The following ALK variants were observed in gnomAD, a reference collection of about 807,000 sequenced individuals.
ALK encodes the protein ALK tyrosine kinase receptor.
ALK carries 74 observed loss-of-function variants against 163.1 expected under a neutral mutation model. The ratio of observed to expected loss-of-function variants is 0.45; its 90% confidence interval spans 0.38 to 0.55. ALK has a LOEUF of 0.55. Among genes scored for constraint, ALK ranks in the 20% least tolerant of loss-of-function variants. ALK has a pLI of 0.00. For missense variants in ALK, 2,063 were observed against 2,105.3 expected, an observed-to-expected ratio of 0.98 and a Z score of 0.39; for synonymous variants, 960 against 843.2, an observed-to-expected ratio of 1.14 and a Z score of -2.40.
intron 3 of ALK, among the ~76,000 whole-genome samples, chr2:29,552,706 C>T (rs963653958): frequency 6.6e-6 from 1 of 152,158 alleles, no homozygotes; most frequent in African/African-American, 2.4e-5. Context: ...GGGTTGTTTG[C>T]TTTTATCTGT....
intron 5 of ALK, among the ~76,000 whole-genome samples, chr2:29,367,612 C>T (rs946973885): frequency 6.6e-6 from 1 of 152,210 alleles, no homozygotes; most frequent in East Asian, 1.9e-4. Flanking sequence ...AAGGTTACAC[C>T]TTAAGCAACT....
intron 24 of ALK, 46 bp from the exon 25 acceptor site, chr2:29,209,924 T>C (rs1267463266): frequency 1.3e-6 from 2 of 1,496,846 alleles, no homozygotes; most frequent in Non-Finnish European, 1.9e-6. Context: ...CCTAGGAAGA[T>C]GAGTGTACAA....
intron 5 of ALK, among the ~76,000 whole-genome samples, chr2:29,345,789 C>CT (rs1304850637): frequency 5.9e-5 from 9 of 152,096 alleles, no homozygotes; most frequent in African/African-American, 1.9e-4. Context: ...TTGAAGAACC[C>CT]TTATTAACAT....
chr2:29,374,051 G>A (rs1668695543), intron 5 of ALK, among the ~76,000 whole-genome samples: 2 of 152,206 alleles, frequency 1.3e-5, no homozygotes, highest in Non-Finnish European at 2.9e-5. Flanking sequence ...AATGGCTCAG[G>A]CAAGGCGCAG....
chr2:29,772,182 A>G (rs1681047995), intron 1 of ALK, among the ~76,000 whole-genome samples: 1 of 152,242 alleles, frequency 6.6e-6, no homozygotes, highest in South Asian at 2.1e-4. Context: ...TGGATTAGAA[A>G]TACAGACAAC....
intron 5 of ALK, among the ~76,000 whole-genome samples, chr2:29,375,050 T>A (rs1668722250): frequency 6.6e-6 from 1 of 152,094 alleles, no homozygotes; most frequent in Admixed American, 6.5e-5. Flanking sequence ...TGGCATTAGG[T>A]CAATAATTAA....
chr2:29,628,233 G>T (rs1676252992), intron 3 of ALK, among the ~76,000 whole-genome samples: 1 of 152,160 alleles, frequency 6.6e-6, no homozygotes. Flanking sequence ...ATGATTCACT[G>T]CAAGCATTTT....
intron 4 of ALK, among the ~76,000 whole-genome samples, chr2:29,526,623 A>T (rs1001729318): frequency 1.3e-5 from 2 of 152,212 alleles, no homozygotes; most frequent in East Asian, 1.9e-4. Flanking sequence ...AATCATTGTG[A>T]CACTGCCACT....
At chr2:29,474,443 G>C (rs568339310) in intron 4 of ALK, among the ~76,000 whole-genome samples, 2 of 152,136 alleles carry the variant, frequency 1.3e-5, no homozygotes, top group East Asian at 3.9e-4. Context: ...ATCCACTGAC[G>C]TGTGGTTTTA....
chr2:29,861,232 C>A (rs1666283652), intron 1 of ALK, among the ~76,000 whole-genome samples: 1 of 152,050 alleles, frequency 6.6e-6, no homozygotes, highest in African/African-American at 2.4e-5. Context: ...CATCAGATCT[C>A]AAGGAGCTAA....
At chr2:29,767,662 T>A (rs1486222644) in intron 1 of ALK, among the ~76,000 whole-genome samples, 1 of 152,186 alleles carries the variant, frequency 6.6e-6, no homozygotes, top group South Asian at 2.1e-4. Flanking sequence ...GTTTGGGACA[T>A]CAGTCACTCA....
chr2:29,492,350 G>C (rs1156921818), intron 4 of ALK, among the ~76,000 whole-genome samples: 1 of 152,126 alleles, frequency 6.6e-6, no homozygotes, highest in African/African-American at 2.4e-5. Context: ...TAGCCACTGG[G>C]GATGCACTGA....
At chr2:29,374,432 G>GAA (rs34034791) in intron 5 of ALK, among the ~76,000 whole-genome samples, 12 of 139,108 alleles carry the variant, frequency 8.6e-5, no homozygotes, top group African/African-American at 1.1e-4. Context: ...TGCTTGCCAT[G>GAA]AAAAAAAAAA....
chr2:29,320,235 G>A (rs1362631347), intron 7 of ALK, among the ~76,000 whole-genome samples: 1 of 152,208 alleles, frequency 6.6e-6, no homozygotes, highest in African/African-American at 2.4e-5. Context: ...GAGAGGGGAG[G>A]ACAGGCATTA....
chr2:29,490,604 A>C (rs1671878285), intron 4 of ALK, among the ~76,000 whole-genome samples: 1 of 151,992 alleles, frequency 6.6e-6, no homozygotes, highest in Admixed American at 6.5e-5. Context: ...AACTTTGAGA[A>C]CCACTGTGTT....
In ALK at chr2:29,376,238, CCT is replaced by C. The variant is rs1201276124; in HGVS notation, c.1282+7492_1282+7493del. On this transcript the variant is annotated intron_variant, in intron 5 of 28. Transcript: ENST00000389048. ...TCCTGACCAAAATTGGCCAGAAGCC[CCT>C]CTCAGGTTTATTTTCTCTAAAATAA... Among the ~76,000 whole-genome samples the C allele has an allele frequency of 2.0e-5, 3 of 152,278 alleles. No homozygotes were observed. In the East Asian group the frequency reaches 5.8e-4, roughly 29 times the overall value.
chr2:29,345,798 A>C (rs1336358498), intron 5 of ALK, among the ~76,000 whole-genome samples: 1 of 152,198 alleles, frequency 6.6e-6, no homozygotes, highest in Non-Finnish European at 1.5e-5. Context: ...CCTTATTAAC[A>C]TGAGAAAATT....
At chr2:29,600,406 G>A (rs186160632) in intron 3 of ALK, among the ~76,000 whole-genome samples, 85 of 152,354 alleles carry the variant, frequency 5.6e-4, no homozygotes, top group African/African-American at 2.0e-3. Flanking sequence ...TGGAATGAGA[G>A]GAGGTGGTTA....
At chr2:29,603,174 G>T (rs1406299105) in intron 3 of ALK, among the ~76,000 whole-genome samples, 1 of 152,144 alleles carries the variant, frequency 6.6e-6, no homozygotes, top group Non-Finnish European at 1.5e-5. Flanking sequence ...AAGTCTCATA[G>T]GTGGCCACTC....
Sources: gnomAD v4.1 joint callset for allele counts (sites outside exome capture counted in the v4.1 genomes callset) on GRCh38, gnomAD v4.1.1 for gene constraint, MANE v1.5 for transcripts, NCBI Gene and HGNC (gene_info 2026-07-23, HGNC 2026-07-21) for gene names.